CHL1: variants seen among roughly 807,000 people sequenced by gnomAD.
The protein encoded by CHL1 is neural cell adhesion molecule L1-like protein.
In CHL1, 96 loss-of-function variants were observed where a neutral mutation model predicts 141.9. The ratio of observed to expected loss-of-function variants is 0.68; its 90% CI spans 0.57 to 0.80. The LOEUF is 0.80. Among genes scored for constraint, CHL1 ranks in the 30% least tolerant of loss-of-function variants. CHL1 has a pLI of 0.00. For synonymous variants in CHL1, 613 were observed against 502.2 expected, an observed-to-expected ratio of 1.22 and a Z score of -2.95; for missense variants, 1,820 against 1,457.2, an observed-to-expected ratio of 1.25 and a Z score of -4.05.
intron 2 of CHL1, among the ~76,000 whole-genome samples, chr3:314,213 A>T (rs1451790481): frequency 6.6e-6 from 1 of 151,314 alleles, no homozygotes; most frequent in Non-Finnish European, 1.5e-5. Context: ...CCAAAGACTG[A>T]ATAAACATTA....
At position 405,812 on chromosome 3, in the gene CHL1, C is replaced by G. The variant is rs568343497; in HGVS notation, c.*101C>G. The G allele has an allele frequency of 1.0e-5, 8 of 783,892 alleles. No homozygotes were observed. The African/African-American group carries it at 1.1e-4, about 10-fold the overall frequency. 48.6% of individuals were successfully genotyped at this position (783,892 alleles called of 1,614,324 possible). On this transcript the variant is annotated 3_prime_UTR_variant, in exon 28 of 28. Coordinates refer to ENST00000256509, the MANE Select transcript of CHL1 (RefSeq NM_006614.4). ...CATATAGGAATAGAAACATGCTGGC[C>G]GAAGATTTCATCCAGAAGTCAACAT...
At chr3:216,181 G>T (rs1176896513) in intron 1 of CHL1, among the ~76,000 whole-genome samples, 2 of 152,196 alleles carry the variant, frequency 1.3e-5, no homozygotes, top group Non-Finnish European at 2.9e-5. Flanking sequence ...TAAAGCTGAT[G>T]TCTTGATGGC....
intron 1 of CHL1, among the ~76,000 whole-genome samples, chr3:241,968 A>T (rs890580228): frequency 6.6e-6 from 1 of 152,216 alleles, no homozygotes; most frequent in Non-Finnish European, 1.5e-5. Context: ...TCATGTTAAT[A>T]TAACAAAAAC....
intron 1 of CHL1, among the ~76,000 whole-genome samples, chr3:225,641 C>T (rs1047525782): frequency 6.6e-6 from 1 of 152,164 alleles, no homozygotes; most frequent in Non-Finnish European, 1.5e-5. Context: ...CACACACACA[C>T]AAAACCACCA....
chr3:271,336 G>A (rs1490044479), intron 2 of CHL1, among the ~76,000 whole-genome samples: 1 of 152,212 alleles, frequency 6.6e-6, no homozygotes, highest in African/African-American at 2.4e-5. Context: ...GTACTCAGGA[G>A]GCTGAGGCAG....
In CHL1 at chr3:354,711, G is replaced by A. The variant is rs1703565908; in HGVS notation, c.1105G>A (p.Glu369Lys). 6.2e-7 allele frequency: 1 copy of A among 1,613,860 alleles called. No homozygotes were observed. Among genetic ancestry groups the A allele is most frequent in the Admixed American group, 1.7e-5 (1 of 59,974 alleles). ...STGSNGILLC[E>K]AEGEPQPTIK... ...CGGAAGCAATGGCATCTTGTTATGT[G>A]AGGCTGAAGGAGAACCTCAACCCAC... The change falls in exon 11 of 28, where the codon GAG (glutamate) becomes AAG (lysine). Residue 369 changes from glutamate (E) to lysine (K), a missense_variant. Physicochemically the swap from Glu to Lys is moderately conservative, Grantham distance 56. Transcript: ENST00000256509.
At chr3:314,309 T>TTC (rs779919756) in intron 2 of CHL1, among the ~76,000 whole-genome samples, 1 of 98,204 alleles carries the variant, frequency 1.0e-5, no homozygotes, top group Non-Finnish European at 2.1e-5. Context: ...CTCTCTCTCT[T>TTC]TCTCTCTCTC....
intron 1 of CHL1, among the ~76,000 whole-genome samples, chr3:241,584 G>GT (rs397963992): frequency 5.0e-4 from 74 of 148,102 alleles, no homozygotes; most frequent in Admixed American, 1.1e-3. Flanking sequence ...CTTCTCTCTG[G>GT]TTTTTTTTTT....
chr3:299,172 T>A (rs1325533745), intron 2 of CHL1, among the ~76,000 whole-genome samples: 2 of 152,172 alleles, frequency 1.3e-5, no homozygotes, highest in Non-Finnish European at 1.5e-5. Context: ...GTCACGTAAA[T>A]AAATAATTGA....
intron 1 of CHL1, among the ~76,000 whole-genome samples, chr3:240,550 G>T (rs1410754919): frequency 1.3e-5 from 2 of 152,300 alleles, no homozygotes; most frequent in Admixed American, 1.3e-4. Context: ...TCTGTGGGTT[G>T]TCTATTTATT....
rs149841445 is a variant in CHL1 at position 226,273 on chromosome 3, C to T, written c.-174-18340C>T. ...CTGGTGTCATGTGATCCGCCTGCTT[C>T]GGCCTCCCAAAGTGCGGATCCCAAA... On this transcript the variant is annotated intron_variant, in intron 1 of 27. Transcript: ENST00000256509. 6.7e-5 allele frequency among the ~76,000 whole-genome samples: 10 copies of T among 149,480 alleles called. No individual in the cohort carries two copies. In the East Asian group the frequency reaches 1.6e-3, roughly 24 times the overall value.
intron 1 of CHL1, among the ~76,000 whole-genome samples, chr3:227,897 CTA>C (rs1262936126): frequency 1.3e-5 from 2 of 152,318 alleles, no homozygotes; most frequent in Admixed American, 6.5e-5. Context: ...TCAAGGGAGA[CTA>C]TGAGATGATA....
intron 1 of CHL1, among the ~76,000 whole-genome samples, chr3:230,257 A>G (rs958815756): frequency 6.6e-6 from 1 of 152,168 alleles, no homozygotes; most frequent in Non-Finnish European, 1.5e-5. Flanking sequence ...ATGTGAAGAG[A>G]TGAAGGAAGT....
At chr3:299,641 A>G (rs1186754567) in intron 2 of CHL1, among the ~76,000 whole-genome samples, 1 of 152,170 alleles carries the variant, frequency 6.6e-6, no homozygotes, top group Non-Finnish European at 1.5e-5. Context: ...AGCTAGTTAG[A>G]TACTATGTTG....
intron 2 of CHL1, among the ~76,000 whole-genome samples, chr3:253,160 T>C (rs1242498391): frequency 6.6e-6 from 1 of 152,156 alleles, no homozygotes; most frequent in Non-Finnish European, 1.5e-5. Context: ...ATAGACACAT[T>C]TCTATAATTG....
chr3:215,650 T>C (rs548621288), intron 1 of CHL1, among the ~76,000 whole-genome samples: 30 of 152,202 alleles, frequency 2.0e-4, no homozygotes, highest in Non-Finnish European at 4.1e-4. Flanking sequence ...TCCATAGATG[T>C]GTGTACTTAT....
intron 2 of CHL1, among the ~76,000 whole-genome samples, chr3:303,892 G>A (rs971859582): frequency 3.9e-5 from 6 of 152,132 alleles, no homozygotes; most frequent in Middle Eastern, 3.4e-3. Flanking sequence ...ATTTTGAGAT[G>A]TGTTCCATTG....
chr3:320,760 G>A (rs149782737), intron 3 of CHL1, among the ~76,000 whole-genome samples: 1 of 152,092 alleles, frequency 6.6e-6, no homozygotes, highest in East Asian at 1.9e-4. Flanking sequence ...TATCAAGTCT[G>A]CCATGTATAG....
intron 12 of CHL1, 58 bp from the exon 13 acceptor site, chr3:361,641 A>T: frequency 1.7e-6 from 2 of 1,176,642 alleles, no homozygotes; most frequent in Non-Finnish European, 2.5e-6. Flanking sequence ...GAAAAATTTA[A>T]TTTGCATATC....
Sources: gnomAD v4.1 joint callset for allele counts (sites outside exome capture counted in the v4.1 genomes callset) on GRCh38, gnomAD v4.1.1 for gene constraint, MANE v1.5 for transcripts, NCBI Gene and HGNC (gene_info 2026-07-23, HGNC 2026-07-21) for gene names.